Variants in RNF150 observed in about 807,000 individuals in gnomAD.
The protein encoded by RNF150 is ring finger protein 150.
Under a neutral mutation model 39.3 loss-of-function variants are expected in RNF150, and 24 were observed. The observed-to-expected ratio is 0.61, with a 90% confidence interval of 0.44 to 0.86. The LOEUF (loss-of-function observed/expected upper bound fraction) is 0.86. RNF150 is among the 40% of genes least tolerant of loss of function. The pLI is 0.00. For missense variants in RNF150, 502 were observed against 587.8 expected, an observed-to-expected ratio of 0.85 and a Z score of 1.51; for synonymous variants, 255 against 227.3, an observed-to-expected ratio of 1.12 and a Z score of -1.10.
chr4:140,999,977 A>AGAAGAAGAAGAAGAAG (rs70946722), intron 1 of RNF150, among the ~76,000 whole-genome samples: 1 of 34,708 alleles, frequency 2.9e-5, no homozygotes, highest in Non-Finnish European at 6.2e-5. Context: ...AAGAAGAAGA[A>AGAAGAAGAAGAAGAAG]AAGAAGAAAA....
At position 141,023,419 on chromosome 4, in the gene RNF150, TA is replaced by T. The variant is rs915984259; in HGVS notation, c.485-55547del. ...CACCACCACACCTAACTACTTTTCATATTTTTTTTTTTAAGTAGTTATGGGT... is the reference window on the plus strand; with the variant it reads ...CACCACCACACCTAACTACTTTTCATTTTTTTTTTTTAAGTAGTTATGGGT... On this transcript the variant is annotated intron_variant, in intron 1 of 6. Coordinates refer to ENST00000515673, the MANE Select transcript of RNF150 (RefSeq NM_020724.2). Among the ~76,000 whole-genome samples, 42 of 108,004 alleles carry T rather than the reference TA, an allele frequency of 3.9e-4. 1 individual carries two copies. Among genetic ancestry groups the T allele is most frequent in the Non-Finnish European group, 6.2e-5 (3 of 48,598 alleles). The allele number at this position is 108,004 out of a possible 152,430, so 70.9% of individuals were successfully genotyped here.
intron 1 of RNF150, among the ~76,000 whole-genome samples, chr4:141,010,530 T>C (rs1735036625): frequency 6.6e-6 from 1 of 152,220 alleles, no homozygotes; most frequent in Admixed American, 6.5e-5. Context: ...AGGTATACTT[T>C]AAGGTAACAA....
chr4:140,915,007 G>T (rs1319641354), intron 5 of RNF150, among the ~76,000 whole-genome samples: 1 of 152,186 alleles, frequency 6.6e-6, no homozygotes. Context: ...TAATCTAGTA[G>T]ATCAGGATTA....
chr4:140,969,280 A>G (rs1334738736), intron 1 of RNF150, among the ~76,000 whole-genome samples: 1 of 152,160 alleles, frequency 6.6e-6, no homozygotes, highest in East Asian at 1.9e-4. Context: ...TGCTACATCA[A>G]TTATATATTT....
At chr4:140,986,079 T>C (rs1024621186) in intron 1 of RNF150, among the ~76,000 whole-genome samples, 3 of 152,100 alleles carry the variant, frequency 2.0e-5, no homozygotes, top group African/African-American at 7.2e-5. Context: ...TAAAGCCATA[T>C]AAAACTTTCT....
At chr4:140,888,868 A>T (rs1322483019) in intron 6 of RNF150, among the ~76,000 whole-genome samples, 1 of 152,180 alleles carries the variant, frequency 6.6e-6, no homozygotes, top group Non-Finnish European at 1.5e-5. Flanking sequence ...AAAGTAGGCT[A>T]TTGGTGATCA....
Position 140,862,780 on chromosome 4 carries a change from C to T in RNF150, c.*5481G>A, listed in dbSNP as rs1176980200. 1 of 152,136 alleles carries T rather than the reference C, an allele frequency of 6.6e-6. No homozygotes were observed. Among genetic ancestry groups the T allele is most frequent in the Non-Finnish European group, 1.5e-5 (1 of 68,032 alleles). 9.4% of individuals were successfully genotyped at this position (152,136 alleles called of 1,614,324 possible). A position where few individuals can be genotyped will look rare whatever the true frequency, so the allele number is the denominator to read the frequency against. On this transcript the variant is annotated 3_prime_UTR_variant, in exon 7 of 7. Coordinates refer to ENST00000515673, the MANE Select transcript of RNF150 (RefSeq NM_020724.2). Reference sequence around the variant, plus strand: ...ATTTAATTCCTTAAAAATACAAACTCCCCAAAACCCAGGTCAGCTCTAAAC... The same window carrying T: ...ATTTAATTCCTTAAAAATACAAACTTCCCAAAACCCAGGTCAGCTCTAAAC...
chr4:140,934,072 G>A lies in RNF150; in HGVS notation c.891-7999C>T, dbSNP rs546503478. 7.9e-5 allele frequency among the ~76,000 whole-genome samples: 12 copies of A among 152,308 alleles called. No homozygotes were observed. In the South Asian group the frequency reaches 1.9e-3, roughly 24 times the overall value. On this transcript the variant is annotated intron_variant, in intron 4 of 6. Coordinates refer to ENST00000515673, the MANE Select transcript of RNF150 (RefSeq NM_020724.2). The stretch of plus-strand genomic sequence containing the variant: ...TTGCCCAGCTGGACAGTGCAGTGGC[G>A]TGATCTAGGCTCACTGCCACCTCCG...
intron 1 of RNF150, among the ~76,000 whole-genome samples, chr4:141,005,688 A>G (rs545169128): frequency 2.0e-4 from 30 of 152,326 alleles, no homozygotes; most frequent in Middle Eastern, 6.8e-3. Flanking sequence ...CATCTTACAA[A>G]TTGATTTTTG....
chr4:140,905,692 A>G (rs573362242), intron 6 of RNF150, among the ~76,000 whole-genome samples: 1 of 142,802 alleles, frequency 7.0e-6, no homozygotes, highest in African/African-American at 2.5e-5. Flanking sequence ...GGGAATCCCC[A>G]ACAAGATTTT....
At chr4:141,164,454 G>C (rs753875209) in intron 1 of RNF150, among the ~76,000 whole-genome samples, 13 of 151,986 alleles carry the variant, frequency 8.6e-5, no homozygotes, top group Non-Finnish European at 1.5e-4. Flanking sequence ...ATACGGAGAA[G>C]ACTACAAAGA....
rs186330378 is a variant in RNF150, at chr4:140,950,740, C to T, written c.736-1368G>A. The stretch of plus-strand genomic sequence containing the variant: ...ACTAAGTATTTACCACGTGGCACTT[C>T]TCTAAGTACACAGCAGTTAAAGTCA... On this transcript the variant is annotated intron_variant, in intron 2 of 6. Transcript: ENST00000515673. 1.5e-3 allele frequency among the ~76,000 whole-genome samples: 221 copies of T among 152,326 alleles called. 2 individuals are homozygous for T. Among genetic ancestry groups the T allele is most frequent in the African/African-American group, 5.0e-3 (206 of 41,570 alleles).
intron 6 of RNF150, among the ~76,000 whole-genome samples, chr4:140,903,660 G>A (rs973073308): frequency 6.6e-6 from 1 of 152,202 alleles, no homozygotes; most frequent in African/African-American, 2.4e-5. Context: ...CATGTCAAAA[G>A]CAAGATATCA....
chr4:140,958,010 T>A (rs1019528774), intron 2 of RNF150, among the ~76,000 whole-genome samples: 2 of 151,788 alleles, frequency 1.3e-5, no homozygotes, highest in Admixed American at 6.6e-5. Context: ...AACCTGCACA[T>A]TGTGCACATG....
intron 1 of RNF150, among the ~76,000 whole-genome samples, chr4:141,188,420 T>G (rs1042972100): frequency 6.6e-6 from 1 of 152,210 alleles, no homozygotes; most frequent in African/African-American, 2.4e-5. Flanking sequence ...GAAGTTCTCC[T>G]GGATAATATC....
intron 1 of RNF150, among the ~76,000 whole-genome samples, chr4:141,108,090 A>G (rs547337623): frequency 2.6e-5 from 4 of 152,216 alleles, no homozygotes; most frequent in African/African-American, 7.2e-5. Flanking sequence ...TTCCCTCTTT[A>G]GCATATCATT....
chr4:140,925,503 T>C (rs1025280983), intron 5 of RNF150, among the ~76,000 whole-genome samples: 1 of 152,168 alleles, frequency 6.6e-6, no homozygotes, highest in Non-Finnish European at 1.5e-5. Context: ...AGCTGAGGCT[T>C]TGAGCCTGAC....
chr4:140,972,175 C>A (rs1443265397), intron 1 of RNF150, among the ~76,000 whole-genome samples: 2 of 152,092 alleles, frequency 1.3e-5, no homozygotes, highest in African/African-American at 4.8e-5. Context: ...CACTTAATAT[C>A]TACTTTTTCA....
chr4:141,188,767 C>T (rs1728056885), intron 1 of RNF150, among the ~76,000 whole-genome samples: 1 of 152,148 alleles, frequency 6.6e-6, no homozygotes, highest in African/African-American at 2.4e-5. Flanking sequence ...TGTCAAGGTT[C>T]TTATCTTCCT....
Sources: allele counts gnomAD v4.1 joint callset (sites outside exome capture counted in the v4.1 genomes callset), GRCh38; gene constraint gnomAD v4.1.1; transcripts MANE v1.5; gene names NCBI Gene and HGNC (gene_info 2026-07-23, HGNC 2026-07-21).